GSK3B: variants seen among roughly 807,000 people sequenced by gnomAD.
GSK3B encodes glycogen synthase kinase-3 beta.
GSK3B carries 15 observed loss-of-function variants against 56.4 expected under a neutral mutation model. The ratio of observed to expected loss-of-function variants is 0.27; its 90% CI spans 0.18 to 0.41. GSK3B has a LOEUF of 0.41. Ranked by LOEUF, GSK3B falls within the 10% of genes least tolerant of loss-of-function variation. The pLI is 1.00. For synonymous variants in GSK3B, 181 were observed against 188.9 expected (o/e 0.96, Z 0.34); for missense variants, 300 against 513.4 (o/e 0.58, Z 4.02).
chr3:119,889,723 T>C (rs1335317764), intron 7 of GSK3B, among the ~76,000 whole-genome samples: 1 of 152,056 alleles, frequency 6.6e-6, no homozygotes, highest in Non-Finnish European at 1.5e-5. Context: ...TGAATGTAAA[T>C]AGTCTAAGTA....
At position 119,978,225 on chromosome 3, in the gene GSK3B, C is replaced by G. The variant is rs187843383; in HGVS notation, c.282+23821G>C. On this transcript the variant is annotated intron_variant, in intron 2 of 10. Transcript: ENST00000264235. ...TCCTCCCAGATCAGAGACATACTAG[C>G]CTCAAAATAAACCCCTCTCTGGGCC... Among the ~76,000 whole-genome samples the G allele has an allele frequency of 2.9e-3, 439 of 152,182 alleles. 7 individuals carry two copies. In the South Asian group the frequency reaches 0.034, roughly 12 times the overall value.
At chr3:120,026,510 A>AATAC (rs1247375368) in intron 1 of GSK3B, among the ~76,000 whole-genome samples, 12 of 65,000 alleles carry the variant, frequency 1.8e-4, no homozygotes, top group Non-Finnish European at 3.2e-5. Context: ...TATACCGCCA[A>AATAC]ATACACACAC....
At chr3:119,976,505 G>A (rs1238690131) in intron 2 of GSK3B, among the ~76,000 whole-genome samples, 3 of 152,048 alleles carry the variant, frequency 2.0e-5, no homozygotes. Context: ...TCCAGGATGG[G>A]CAAATCCATA....
chr3:119,982,597 G>A (rs530245207), intron 2 of GSK3B, among the ~76,000 whole-genome samples: 24 of 152,308 alleles, frequency 1.6e-4, no homozygotes, highest in African/African-American at 5.5e-4. Flanking sequence ...ATTCGATCAA[G>A]TGGAAGAAAG....
At chr3:119,854,232 C>A (rs990297249) in intron 9 of GSK3B, among the ~76,000 whole-genome samples, 2 of 152,094 alleles carry the variant, frequency 1.3e-5, no homozygotes, top group African/African-American at 4.8e-5. Flanking sequence ...TATTGATTTG[C>A]GTATGATGAA....
At chr3:119,943,449 A>C (rs1253276638) in intron 3 of GSK3B, among the ~76,000 whole-genome samples, 1 of 152,214 alleles carries the variant, frequency 6.6e-6, no homozygotes, top group African/African-American at 2.4e-5. Flanking sequence ...GATCATAAAT[A>C]ATTATGCATA....
At chr3:119,955,234 T>TAA (rs543229359) in intron 2 of GSK3B, among the ~76,000 whole-genome samples, 105 of 126,594 alleles carry the variant, frequency 8.3e-4, no homozygotes, top group East Asian at 2.1e-3. Flanking sequence ...AACCAACAGC[T>TAA]AAAAAAAAAA....
intron 9 of GSK3B, among the ~76,000 whole-genome samples, chr3:119,848,335 T>C (rs957909609): frequency 6.6e-6 from 1 of 152,164 alleles, no homozygotes; most frequent in South Asian, 2.1e-4. Flanking sequence ...CATAACAAGC[T>C]ACAGGAGGAC....
At chr3:119,995,737 ATT>A (rs138237628) in intron 2 of GSK3B, among the ~76,000 whole-genome samples, 2,114 of 130,518 alleles carry the variant, frequency 0.016, 50 homozygotes, top group African/African-American at 0.059. Context: ...GCCTGAAATA[ATT>A]TTTTTTTTTT....
At chr3:120,008,380 C>G in intron 1 of GSK3B, among the ~76,000 whole-genome samples, 1 of 152,152 alleles carries the variant, frequency 6.6e-6, no homozygotes, top group East Asian at 1.9e-4. Context: ...TATGGAAACA[C>G]AAAAGAGCCT....
chr3:119,917,483 T>A (rs2056792873), intron 4 of GSK3B, among the ~76,000 whole-genome samples: 1 of 152,118 alleles, frequency 6.6e-6, no homozygotes, highest in African/African-American at 2.4e-5. Flanking sequence ...GTACCATCAT[T>A]CACAGAATCC....
chr3:119,962,088 C>T (rs1367287332), intron 2 of GSK3B, among the ~76,000 whole-genome samples: 2 of 152,058 alleles, frequency 1.3e-5, no homozygotes, highest in Non-Finnish European at 2.9e-5. Flanking sequence ...ATGAAAAGCC[C>T]ATAACTGCTG....
At chr3:119,944,437 G>A (rs1184488576) in intron 3 of GSK3B, among the ~76,000 whole-genome samples, 4 of 152,142 alleles carry the variant, frequency 2.6e-5, no homozygotes, top group Non-Finnish European at 5.9e-5. Flanking sequence ...TCTTTTTACC[G>A]TTTTGCTCTA....
intron 1 of GSK3B, among the ~76,000 whole-genome samples, chr3:120,043,148 T>C (rs2058076927): frequency 6.6e-6 from 1 of 152,100 alleles, no homozygotes; most frequent in Admixed American, 6.6e-5. Flanking sequence ...AGGAAAAACT[T>C]GAGCTGGCCT....
chr3:119,912,531 T>C (rs1387013145), intron 6 of GSK3B, among the ~76,000 whole-genome samples, 173 bp downstream of exon 6: 6 of 149,996 alleles, frequency 4.0e-5, no homozygotes, highest in Admixed American at 4.0e-4. Flanking sequence ...GCCTGGAAAG[T>C]ATAATAAAAT....
At chr3:120,080,027 G>A (rs576701163) in intron 1 of GSK3B, among the ~76,000 whole-genome samples, 79 of 152,262 alleles carry the variant, frequency 5.2e-4, no homozygotes, top group South Asian at 1.7e-3. Flanking sequence ...AGGTGAGGTG[G>A]CACACACCTG....
chr3:119,935,449 T>TA (rs1191178686), intron 3 of GSK3B, among the ~76,000 whole-genome samples: 1 of 152,142 alleles, frequency 6.6e-6, no homozygotes, highest in Non-Finnish European at 1.5e-5. Flanking sequence ...ATTTTTATAC[T>TA]AGGAGGCTGA....
At chr3:120,027,453 T>G (rs964446029) in intron 1 of GSK3B, among the ~76,000 whole-genome samples, 2 of 151,308 alleles carry the variant, frequency 1.3e-5, no homozygotes, top group African/African-American at 4.9e-5. Context: ...TCTAGGAATA[T>G]GGCAAAAGAA....
At chr3:119,847,547 C>T (rs2055872741) in intron 9 of GSK3B, among the ~76,000 whole-genome samples, 1 of 151,994 alleles carries the variant, frequency 6.6e-6, no homozygotes, top group South Asian at 2.1e-4. Context: ...ACATGACAAA[C>T]CTATATCTCA....
Sources: gnomAD v4.1 joint callset for allele counts (sites outside exome capture counted in the v4.1 genomes callset) on GRCh38, gnomAD v4.1.1 for gene constraint, MANE v1.5 for transcripts, NCBI Gene and HGNC (gene_info 2026-07-23, HGNC 2026-07-21) for gene names.